The following GRID2 variants were observed in gnomAD, a reference collection of about 807,000 sequenced individuals.
GRID2 encodes glutamate ionotropic receptor delta type subunit 2.
In GRID2, 33 loss-of-function variants were observed where a neutral mutation model predicts 114.8. That is an observed-to-expected ratio of 0.29 (90% CI 0.22 to 0.38). The LOEUF (loss-of-function observed/expected upper bound fraction) is 0.38. Among genes scored for constraint, GRID2 ranks in the 10% least tolerant of loss-of-function variants. The pLI, the probability that GRID2 is intolerant of heterozygous loss-of-function variation, is 1.00. For missense variants in GRID2, 1,184 were observed against 1,257.7 expected (o/e 0.94, Z 0.89); for synonymous variants, 505 against 449.9 (o/e 1.12, Z -1.55).
intron 8 of GRID2, among the ~76,000 whole-genome samples, chr4:93,267,520 C>A (rs893566172): frequency 6.6e-6 from 1 of 152,202 alleles, no homozygotes; most frequent in African/African-American, 2.4e-5. Context: ...TACTGCCAAC[C>A]TGGCAGGGCT....
chr4:93,198,538 C>T (rs922096279), intron 4 of GRID2, among the ~76,000 whole-genome samples: 7 of 152,164 alleles, frequency 4.6e-5, no homozygotes, highest in East Asian at 3.9e-4. Flanking sequence ...ATATAAAATA[C>T]GTACAACATG....
chr4:92,769,430 C>T (rs542571276), intron 2 of GRID2, among the ~76,000 whole-genome samples: 1 of 152,232 alleles, frequency 6.6e-6, no homozygotes, highest in South Asian at 2.1e-4. Context: ...ATTTTGGGGT[C>T]TGGAGTATGG....
intron 1 of GRID2, among the ~76,000 whole-genome samples, chr4:92,465,014 G>A (rs1721680090): frequency 6.6e-6 from 1 of 152,042 alleles, no homozygotes; most frequent in African/African-American, 2.4e-5. Flanking sequence ...TCTGCCATGT[G>A]AAGATGTGCC....
At chr4:92,652,931 T>C (rs1442151555) in intron 2 of GRID2, among the ~76,000 whole-genome samples, 1 of 125,280 alleles carries the variant, frequency 8.0e-6, no homozygotes, top group Non-Finnish European at 1.7e-5. Context: ...CATATAAATA[T>C]ATATAAACAT....
At chr4:92,970,302 T>C (rs1339819474) in intron 2 of GRID2, among the ~76,000 whole-genome samples, 1 of 151,928 alleles carries the variant, frequency 6.6e-6, no homozygotes, top group African/African-American at 2.4e-5. Flanking sequence ...TCAAAATCTT[T>C]CTTTATTCAG....
intron 8 of GRID2, among the ~76,000 whole-genome samples, chr4:93,349,299 A>G (rs1320333535): frequency 6.6e-6 from 1 of 152,128 alleles, no homozygotes; most frequent in African/African-American, 2.4e-5. Flanking sequence ...GGCTTTCTAT[A>G]AAATGAGCTC....
chr4:93,309,292 T>C (rs893377441), intron 8 of GRID2, among the ~76,000 whole-genome samples: 7 of 152,152 alleles, frequency 4.6e-5, no homozygotes, highest in Non-Finnish European at 8.8e-5. Flanking sequence ...CCCAACACTT[T>C]GGGAGGCCAA....
chr4:92,311,069 A>T (rs1250946564), intron 1 of GRID2, among the ~76,000 whole-genome samples: 2 of 151,934 alleles, frequency 1.3e-5, no homozygotes, highest in Non-Finnish European at 2.9e-5. Flanking sequence ...CGTTTTGTCT[A>T]TTATTAGTAC....
At chr4:93,234,107 T>C (rs572435431) in intron 7 of GRID2, among the ~76,000 whole-genome samples, 1 of 152,202 alleles carries the variant, frequency 6.6e-6, no homozygotes, top group African/African-American at 2.4e-5. Context: ...ACAAACAGTA[T>C]TGTCTTGAAA....
intron 13 of GRID2, among the ~76,000 whole-genome samples, chr4:93,605,267 G>C (rs1740111163): frequency 6.6e-6 from 1 of 152,040 alleles, no homozygotes; most frequent in African/African-American, 2.4e-5. Flanking sequence ...AATCATATTA[G>C]CCACATTTCA....
chr4:93,556,968 A>G (rs1460816829), intron 13 of GRID2, among the ~76,000 whole-genome samples: 1 of 152,240 alleles, frequency 6.6e-6, no homozygotes, highest in African/African-American at 2.4e-5. Flanking sequence ...ATTTCAACCC[A>G]GAACTTCATA....
chr4:93,396,503 T>C (rs1178409177), intron 9 of GRID2, among the ~76,000 whole-genome samples: 1 of 151,900 alleles, frequency 6.6e-6, no homozygotes, highest in East Asian at 1.9e-4. Context: ...TGGGATGGTG[T>C]GAGATTTCAT....
intron 1 of GRID2, among the ~76,000 whole-genome samples, chr4:92,305,666 C>A (rs1201888551): frequency 1.3e-5 from 2 of 152,096 alleles, no homozygotes; most frequent in Non-Finnish European, 2.9e-5. Context: ...TATTGGCAAC[C>A]AGACGGGCCG....
chr4:92,907,540 T>C (rs943011982), intron 2 of GRID2, among the ~76,000 whole-genome samples: 2 of 151,990 alleles, frequency 1.3e-5, no homozygotes, highest in Non-Finnish European at 2.9e-5. Flanking sequence ...GTCCCCCGAG[T>C]AGCTGGGATT....
chr4:92,390,046 T>A (rs1730164596), intron 1 of GRID2, among the ~76,000 whole-genome samples: 1 of 152,116 alleles, frequency 6.6e-6, no homozygotes, highest in Admixed American at 6.6e-5. Flanking sequence ...TTTTAAGTCC[T>A]CTTTTAAAAA....
intron 4 of GRID2, among the ~76,000 whole-genome samples, chr4:93,142,019 A>G (rs1735813520): frequency 6.6e-6 from 1 of 152,200 alleles, no homozygotes; most frequent in South Asian, 2.1e-4. Context: ...CAGCCAGACC[A>G]GCCTGGGAAA....
chr4:93,190,454 T>G (rs551406338), intron 4 of GRID2, among the ~76,000 whole-genome samples: 23 of 152,252 alleles, frequency 1.5e-4, no homozygotes, highest in Admixed American at 1.4e-3. Context: ...CCTTGACATT[T>G]TGGTGAACCA....
chr4:92,661,156 T>G (rs1732493575), intron 2 of GRID2, among the ~76,000 whole-genome samples: 1 of 150,954 alleles, frequency 6.6e-6, no homozygotes, highest in Admixed American at 6.6e-5. Context: ...AATGGAGAAT[T>G]TTTTTAAAAC....
intron 2 of GRID2, among the ~76,000 whole-genome samples, chr4:92,613,919 A>G (rs1729876865): frequency 6.6e-6 from 1 of 151,476 alleles, no homozygotes; most frequent in African/African-American, 2.4e-5. Flanking sequence ...TACTTGGCAC[A>G]TGATAATTCT....
Sources: allele counts gnomAD v4.1 joint callset (sites outside exome capture counted in the v4.1 genomes callset), GRCh38; gene constraint gnomAD v4.1.1; transcripts MANE v1.5; gene names NCBI Gene and HGNC (gene_info 2026-07-23, HGNC 2026-07-21).